The following DGKD variants were observed in gnomAD, a reference collection of about 807,000 sequenced individuals.
The protein encoded by DGKD is diacylglycerol kinase delta, also known as DAG kinase delta.
In DGKD, 68 loss-of-function variants were observed where a neutral mutation model predicts 154.4. That is an observed-to-expected ratio of 0.44 (90% CI 0.36 to 0.54). The LOEUF (loss-of-function observed/expected upper bound fraction) is 0.54, where lower values mean the gene tolerates loss of function less well. DGKD is among the 20% of genes least tolerant of loss of function. The pLI is 0.00. For missense variants in DGKD, 1,343 were observed against 1,593.6 expected, an observed-to-expected ratio of 0.84 and a Z score of 2.68; for synonymous variants, 693 against 638.0, an observed-to-expected ratio of 1.09 and a Z score of -1.30.
At chr2:233,433,241 G>A (rs1165130953) in intron 3 of DGKD, among the ~76,000 whole-genome samples, 1 of 152,200 alleles carries the variant, frequency 6.6e-6, no homozygotes, top group Non-Finnish European at 1.5e-5. Flanking sequence ...TATACACATG[G>A]AGTACTATTT....
intron 10 of DGKD, chr2:233,442,547 A>G (rs1575129721): frequency 4.6e-6 from 1 of 218,982 alleles, no homozygotes; most frequent in Middle Eastern, 1.9e-3. Flanking sequence ...CAGTACATAC[A>G]ATGCACAGTG....
At chr2:233,448,463 C>T in intron 14 of DGKD, 88 bp downstream of exon 14, 1 of 1,202,574 alleles carries the variant, frequency 8.3e-7, no homozygotes, top group Non-Finnish European at 1.2e-6. Flanking sequence ...TGCAGGTTGT[C>T]CAGGTTCTTG....
chr2:233,390,754 C>T (rs566740636), intron 3 of DGKD, among the ~76,000 whole-genome samples: 33 of 152,062 alleles, frequency 2.2e-4, no homozygotes, highest in Admixed American at 5.9e-4. Context: ...TTTTTTGAGA[C>T]GGAGTTTGGC....
rs769014020 is a variant in DGKD, at chr2:233,457,482, C to T, written c.2580+154C>T. 4 of 703,982 alleles carry T rather than the reference C, an allele frequency of 5.7e-6. No individual in the cohort carries two copies. Among genetic ancestry groups the T allele is most frequent in the Non-Finnish European group, 7.7e-6 (3 of 387,294 alleles). The allele number at this position is 703,982 out of a possible 1,614,324, so 43.6% of individuals were successfully genotyped here. A position where few individuals can be genotyped will look rare whatever the true frequency, so the allele number is the denominator to read the frequency against. On this transcript the variant is annotated intron_variant, in intron 21 of 29. Coordinates refer to ENST00000264057, the MANE Select transcript of DGKD (RefSeq NM_152879.3). The surrounding 1 kb of genome is among the most constrained non-coding windows in gnomAD (Gnocchi z 5.5). ...AGAACAAGATAGACAGGGTCCCCCA[C>T]CCAGCTCATCGTCTAGAGGGCTGAG... is the stretch of plus-strand genomic sequence containing the variant.
intron 3 of DGKD, 116 bp from the exon 4 acceptor site, chr2:233,434,264 T>C (rs2062619154): frequency 1.3e-6 from 1 of 753,282 alleles, no homozygotes; most frequent in African/African-American, 1.8e-5. Context: ...TCAGTGTGAA[T>C]ACCTGAATGA....
At chr2:233,395,507 T>C (rs1703949468) in intron 3 of DGKD, among the ~76,000 whole-genome samples, 1 of 151,932 alleles carries the variant, frequency 6.6e-6, no homozygotes, top group Non-Finnish European at 1.5e-5. Context: ...GTACCTCTCT[T>C]CTACTTCCCT....
In DGKD at chr2:233,445,752, A is replaced by G; in HGVS notation, c.1324A>G (p.Met442Val). 6.2e-7 allele frequency: 1 copy of G among 1,612,586 alleles called. No individual in the cohort carries two copies. Among genetic ancestry groups the G allele is most frequent in the Non-Finnish European group, 8.5e-7 (1 of 1,179,194 alleles). The part of the protein sequence containing the change: ...LEKLERASTK[M>V]LDRWSVMAYE... The stretch of plus-strand genomic sequence containing the variant: ...GAAGTTGGAGAGAGCCAGCACCAAG[A>G]TGCTGGACAGGTGAGTGGGGATGTG... Residue 442 changes from methionine (M) to valine (V), a missense_variant, in exon 11 of 30, where the codon ATG becomes GTG. By Grantham distance (21) the Met-to-Val change is conservative. Transcript: ENST00000264057. The surrounding 1 kb of genome is among the most constrained non-coding windows in gnomAD (Gnocchi z 5.5).
intron 28 of DGKD, 145 bp from the exon 29 acceptor site, chr2:233,468,278 G>T: frequency 1.1e-6 from 1 of 931,684 alleles, no homozygotes; most frequent in East Asian, 2.7e-5. Flanking sequence ...CTCAGGCGCT[G>T]GCTGCTGCTG....
At chr2:233,401,785 T>C (rs576300341) in intron 3 of DGKD, among the ~76,000 whole-genome samples, 1 of 151,732 alleles carries the variant, frequency 6.6e-6, no homozygotes, top group South Asian at 2.1e-4. Flanking sequence ...ACAGACATGG[T>C]GGCGGGCGCC....
intron 1 of DGKD, among the ~76,000 whole-genome samples, chr2:233,369,699 C>T (rs200521861): frequency 6.6e-6 from 1 of 152,180 alleles, no homozygotes; most frequent in Non-Finnish European, 1.5e-5. Context: ...CTGGGGCTGG[C>T]CGTGGGGTGA....
chr2:233,429,180 A>G (rs1374002110), intron 3 of DGKD: 1 of 985,258 alleles, frequency 1.0e-6, no homozygotes, highest in Non-Finnish European at 1.2e-6. Context: ...CAAAGTTGGC[A>G]CTTCAGCTCG....
At chr2:233,423,351 C>G (rs994988242) in intron 3 of DGKD, among the ~76,000 whole-genome samples, 5 of 152,042 alleles carry the variant, frequency 3.3e-5, no homozygotes, top group Non-Finnish European at 7.4e-5. Context: ...GCAGAGTGGC[C>G]GTAATGTTTT....
At chr2:233,390,598 A>G (rs1703534880) in intron 3 of DGKD, 115 bp downstream of exon 3, 1 of 724,088 alleles carries the variant, frequency 1.4e-6, no homozygotes, top group Admixed American at 2.9e-5. Flanking sequence ...ACTGATTGGA[A>G]TGATTGCTGG....
chr2:233,355,943 C>A (rs1388567876), intron 1 of DGKD, among the ~76,000 whole-genome samples: 1 of 152,184 alleles, frequency 6.6e-6, no homozygotes, highest in Non-Finnish European at 1.5e-5. Flanking sequence ...CAGGGTGTCA[C>A]AGGTCGTAAA....
chr2:233,421,559 G>T (rs2062113486), intron 3 of DGKD, among the ~76,000 whole-genome samples: 1 of 152,144 alleles, frequency 6.6e-6, no homozygotes, highest in Non-Finnish European at 1.5e-5. Context: ...ATGCTTGCAG[G>T]TTGGCCCCTG....
chr2:233,448,890 G>A, intron 14 of DGKD, among the ~76,000 whole-genome samples: 1 of 152,232 alleles, frequency 6.6e-6, no homozygotes, highest in Non-Finnish European at 1.5e-5. Flanking sequence ...GTTGTGGACA[G>A]CCAATTTCCC....
chr2:233,437,453 C>A lies in DGKD; in HGVS notation c.896C>A (p.Thr299Lys). Residue 299 changes from threonine (T) to lysine (K), a missense_variant, in exon 8 of 30, where the codon ACG (threonine) becomes AAG (lysine). Thr to Lys is a moderately conservative substitution (Grantham distance 78). This residue lies in a region of DGKD where 332 missense variants were observed against 400.1 expected (regional missense o/e 0.83). Coordinates refer to ENST00000264057, the MANE Select transcript of DGKD (RefSeq NM_152879.3). ...GLCKVSVIPPTALNSIDSDGF... is the reference protein window; with the variant it reads ...GLCKVSVIPPKALNSIDSDGF... ...TGCAAAGTGTCAGTCATCCCACCCA[C>A]GGCTCTCAACAGCATCGACTCCGAT... 6.2e-7 allele frequency: 1 copy of A among 1,614,234 alleles called. No homozygotes were observed. The highest frequency in any genetic ancestry group is 8.5e-7 in the Non-Finnish European group (1 of 1,180,046).
At chr2:233,390,802 C>T (rs1176065589) in intron 3 of DGKD, among the ~76,000 whole-genome samples, 3 of 152,162 alleles carry the variant, frequency 2.0e-5, no homozygotes, top group African/African-American at 7.2e-5. Context: ...GCGTGATCTC[C>T]AGCTCACAGC....
chr2:233,419,266 C>T (rs1353205629), intron 3 of DGKD: 9 of 985,648 alleles, frequency 9.1e-6, no homozygotes, highest in African/African-American at 3.5e-5. Flanking sequence ...GCTGATTGCA[C>T]GGTACTGATT....
Sources: allele counts gnomAD v4.1 joint callset (sites outside exome capture counted in the v4.1 genomes callset), GRCh38; gene constraint gnomAD v4.1.1; regional missense constraint gnomAD v4.1.1; non-coding constraint Gnocchi (gnomAD v3.1); transcripts MANE v1.5; gene names NCBI Gene and HGNC (gene_info 2026-07-23, HGNC 2026-07-21).